Variants in MORC1 observed in about 807,000 individuals in gnomAD.
The protein encoded by MORC1 is MORC family CW-type zinc finger protein 1.
In MORC1, 59 loss-of-function variants were observed where a neutral mutation model predicts 134.9. That is an observed-to-expected ratio of 0.44 (90% CI 0.35 to 0.54). The LOEUF (loss-of-function observed/expected upper bound fraction) is 0.54. Ranked by LOEUF, MORC1 falls within the 20% of genes least tolerant of loss-of-function variation. The pLI is 0.00. For synonymous variants in MORC1, 395 were observed against 391.7 expected, an observed-to-expected ratio of 1.01 and a Z score of -0.10; for missense variants, 947 against 1,134.5, an observed-to-expected ratio of 0.83 and a Z score of 2.37.
intron 27 of MORC1, among the ~76,000 whole-genome samples, chr3:108,962,810 T>C (rs1017357809): frequency 3.3e-5 from 5 of 152,194 alleles, no homozygotes; most frequent in African/African-American, 7.2e-5. Flanking sequence ...TCTTTATGCA[T>C]TGAAACGTAC....
chr3:108,996,828 G>A (rs953693583), intron 21 of MORC1, among the ~76,000 whole-genome samples: 1 of 151,850 alleles, frequency 6.6e-6, no homozygotes, highest in Non-Finnish European at 1.5e-5. Context: ...GGCTAACATG[G>A]AGAAACCCTG....
chr3:109,093,811 T>G (rs962692056), intron 7 of MORC1, among the ~76,000 whole-genome samples: 14 of 152,224 alleles, frequency 9.2e-5, no homozygotes, highest in Admixed American at 2.0e-4. Flanking sequence ...TTTTTAAACT[T>G]TGGCACTCTT....
At chr3:109,022,135 A>T (rs1948972822) in intron 17 of MORC1, among the ~76,000 whole-genome samples, 2 of 152,240 alleles carry the variant, frequency 1.3e-5, no homozygotes, top group South Asian at 4.1e-4. Context: ...CTTGTTAGAC[A>T]AGGGCCTTTA....
intron 4 of MORC1, among the ~76,000 whole-genome samples, chr3:109,102,720 G>A (rs1950952994): frequency 6.6e-6 from 1 of 152,002 alleles, no homozygotes; most frequent in Non-Finnish European, 1.5e-5. Context: ...TTTTCATAAG[G>A]AATTCCCTTA....
chr3:109,046,815 T>C (rs1015128550), intron 14 of MORC1, among the ~76,000 whole-genome samples: 11 of 152,200 alleles, frequency 7.2e-5, no homozygotes, highest in Non-Finnish European at 1.2e-4. Flanking sequence ...ATATATCCAT[T>C]TCACACAGCT....
intron 24 of MORC1, among the ~76,000 whole-genome samples, chr3:108,975,532 A>G (rs985915699): frequency 6.6e-6 from 1 of 152,220 alleles, no homozygotes; most frequent in Admixed American, 6.5e-5. Flanking sequence ...GTTAAGAGCA[A>G]GGACTGTGAG....
chr3:109,033,748 C>A (rs1482015255), intron 15 of MORC1, among the ~76,000 whole-genome samples: 1 of 151,872 alleles, frequency 6.6e-6, no homozygotes, highest in East Asian at 1.9e-4. Context: ...GAAATGACAT[C>A]CTCCTCCTCA....
intron 21 of MORC1, among the ~76,000 whole-genome samples, chr3:108,996,000 G>A (rs934312459): frequency 7.2e-5 from 11 of 152,130 alleles, no homozygotes; most frequent in African/African-American, 2.2e-4. Context: ...GAAGGTGGGA[G>A]GTAAAGGGAG....
At chr3:109,010,422 A>G (rs1320723244) in intron 17 of MORC1, among the ~76,000 whole-genome samples, 28 of 152,172 alleles carry the variant, frequency 1.8e-4, no homozygotes, top group Admixed American at 1.8e-3. Flanking sequence ...TTCTTTCATA[A>G]AAATGATTTT....
At chr3:109,051,918 G>A (rs1016673311) in intron 14 of MORC1, among the ~76,000 whole-genome samples, 1 of 151,968 alleles carries the variant, frequency 6.6e-6, no homozygotes, top group Admixed American at 6.6e-5. Flanking sequence ...CCACAAAGAG[G>A]ACTGAGTATG....
chr3:109,090,534 C>T (rs1296090274), intron 8 of MORC1, among the ~76,000 whole-genome samples: 2 of 145,950 alleles, frequency 1.4e-5, no homozygotes, highest in African/African-American at 5.2e-5. Flanking sequence ...GTGGGAGAAT[C>T]ATTTGAACCC....
rs1553753581 is a variant in MORC1, at chr3:109,040,352, C to CAGAAAGAA, written c.1331-4885_1331-4884insTTCTTTCT. Among the ~76,000 whole-genome samples, 144 of 35,940 alleles carry CAGAAAGAA rather than the reference C, an allele frequency of 4.0e-3. 18 individuals are homozygous for CAGAAAGAA. The highest frequency in any genetic ancestry group is 0.021 in the Middle Eastern group (2 of 96). The allele number at this position is 35,940 out of a possible 152,430, so 23.6% of individuals were successfully genotyped here. On this transcript the variant is annotated intron_variant, in intron 14 of 27. Transcript: ENST00000232603. ...GACTGTCTCAAAGACACTCAAAGAA[C>CAGAAAGAA]TGAAAGAAAGAAAGAAAGAAAGAAA...
chr3:108,996,519 G>A (rs571541363), intron 21 of MORC1, among the ~76,000 whole-genome samples: 7 of 152,292 alleles, frequency 4.6e-5, no homozygotes, highest in Non-Finnish European at 1.0e-4. Context: ...TTAAGATTTT[G>A]TAAAGAAAAA....
At chr3:108,979,358 T>C (rs2107439693) in intron 24 of MORC1, among the ~76,000 whole-genome samples, 157 bp downstream of exon 24, 1 of 152,308 alleles carries the variant, frequency 6.6e-6, no homozygotes, top group Non-Finnish European at 1.5e-5. Context: ...ATTTAACCCA[T>C]AGTATATCTA....
intron 17 of MORC1, among the ~76,000 whole-genome samples, chr3:109,009,204 G>GTTTTTTTTTTTTTTTTTTTT (rs1207320361): frequency 1.0e-5 from 1 of 96,764 alleles, no homozygotes; most frequent in African/African-American, 3.7e-5. Context: ...TACGTTTTTT[G>GTTTTTTTTTTTTTTTTTTTT]TTGTTTTTTT....
intron 11 of MORC1, among the ~76,000 whole-genome samples, chr3:109,060,997 GAA>G (rs369165260): frequency 6.9e-6 from 1 of 145,978 alleles, no homozygotes; most frequent in Non-Finnish European, 1.5e-5. Context: ...AAAAAAAAAT[GAA>G]AAAAAAAAAC....
intron 2 of MORC1, among the ~76,000 whole-genome samples, chr3:109,112,999 T>C (rs1270238758): frequency 6.6e-6 from 1 of 152,230 alleles, no homozygotes; most frequent in East Asian, 1.9e-4. Context: ...ATTTTACTTG[T>C]CCTCCTTTGT....
At chr3:109,106,688 C>G (rs754214055) in intron 3 of MORC1, among the ~76,000 whole-genome samples, 1 of 152,160 alleles carries the variant, frequency 6.6e-6, no homozygotes, top group Non-Finnish European at 1.5e-5. Context: ...GGGCAACCAT[C>G]TGGTCCTCTC....
intron 4 of MORC1, 64 bp from the exon 5 acceptor site, chr3:109,100,571 C>G (rs915177762): frequency 8.4e-7 from 1 of 1,194,940 alleles, no homozygotes; most frequent in Non-Finnish European, 1.2e-6. Flanking sequence ...TGAGGCCCAG[C>G]TGTCAGGACC....
Sources: allele counts gnomAD v4.1 joint callset (sites outside exome capture counted in the v4.1 genomes callset), GRCh38; gene constraint gnomAD v4.1.1; transcripts MANE v1.5; gene names NCBI Gene and HGNC (gene_info 2026-07-23, HGNC 2026-07-21).